ERN2: variants seen among roughly 807,000 people sequenced by gnomAD.
The protein encoded by ERN2 is endoplasmic reticulum to nucleus signaling 2.
ERN2 carries 111 observed loss-of-function variants against 107.9 expected under a neutral mutation model. That is an observed-to-expected ratio of 1.03 (90% CI 0.88 to 1.20). The LOEUF is 1.20. Ranked by LOEUF, ERN2 falls within the 50% of genes most tolerant of loss-of-function variation. The pLI is 0.00. For missense variants in ERN2, 1,225 were observed against 1,197.9 expected, an observed-to-expected ratio of 1.02 and a Z score of -0.33; for synonymous variants, 524 against 501.7, an observed-to-expected ratio of 1.04 and a Z score of -0.59.
At position 23,690,595 on chromosome 16, in the gene ERN2, C is replaced by T. The variant is rs1567241581; in HGVS notation, c.*236G>A. On this transcript the variant is annotated 3_prime_UTR_variant, in exon 22 of 22. Transcript: ENST00000256797. The stretch of plus-strand genomic sequence containing the variant: ...TCAGCCTCCCAAGCAGCTGGGACTA[C>T]AGGCGTGCGCCACCATGCCTGGCTA... The T allele has an allele frequency of 1.8e-6, 1 of 546,652 alleles. No individual in the cohort carries two copies. Among genetic ancestry groups the T allele is most frequent in the Non-Finnish European group, 3.3e-6 (1 of 303,718 alleles). The allele number at this position is 546,652 out of a possible 1,614,324, so 33.9% of individuals were successfully genotyped here.
In ERN2 at chr16:23,704,916, G is replaced by A; in HGVS notation, c.821C>T (p.Ala274Val). The change falls in exon 8 of 22, where the codon GCC becomes GTC. Residue 274 changes from alanine (A) to valine (V), a missense_variant. Coordinates refer to ENST00000256797, the MANE Select transcript of ERN2 (RefSeq NM_033266.4). ...RLPASGPRDTATLFSTLDTQL... is the reference protein window; with the variant it reads ...RLPASGPRDTVTLFSTLDTQL... Reference sequence around the variant, plus strand: ...GGTGTCCAAGGTAGAGAAGAGGGTGGCTGTGTCCCGGGGGCCTGAGGCAGG... The same window carrying A: ...GGTGTCCAAGGTAGAGAAGAGGGTGACTGTGTCCCGGGGGCCTGAGGCAGG... 6.8e-6 allele frequency: 11 copies of A among 1,612,708 alleles called. No homozygotes were observed. The highest frequency in any genetic ancestry group is 8.5e-6 in the Non-Finnish European group (10 of 1,180,030).
At chr16:23,696,641 C>T (rs1959841201) in intron 13 of ERN2, 1 of 152,258 alleles carries the variant, frequency 6.6e-6, no homozygotes, top group Admixed American at 6.5e-5. Flanking sequence ...GGGGTCGGCT[C>T]AGGTGGGCAA....
rs1462931194 is a variant in ERN2 at position 23,690,675 on chromosome 16, C to T, written c.*156G>A. On this transcript the variant is annotated 3_prime_UTR_variant, in exon 22 of 22. Transcript: ENST00000256797. ...GTTGCCATGTTGGCCAGGCTGGTCT[C>T]GAACTCCTGAGCTCAAGTGATCCTC... is the stretch of plus-strand genomic sequence containing the variant. The T allele has an allele frequency of 6.2e-6, 4 of 649,138 alleles. No homozygotes were observed. Among genetic ancestry groups the T allele is most frequent in the East Asian group, 2.7e-5 (1 of 36,568 alleles). The allele number at this position is 649,138 out of a possible 1,614,324, so 40.2% of individuals were successfully genotyped here.
In ERN2 at chr16:23,702,190, G is replaced by T. The variant is rs532196304; in HGVS notation, c.1165C>A (p.Pro389Thr). The T allele has an allele frequency of 6.2e-7, 1 of 1,614,150 alleles. No individual in the cohort carries two copies. The highest frequency in any genetic ancestry group is 1.1e-5 in the South Asian group (1 of 91,080). Residue 389 changes from proline (P) to threonine (T), a missense_variant, in exon 11 of 22, where the codon CCT becomes ACT. Transcript: ENST00000256797. Reference sequence around the variant, plus strand: ...GCTGGGGCCTGGGTATTCTCTGGAGGTCTTGTCTCTGCAGTTCCACTCCCC... The same window carrying T: ...GCTGGGGCCTGGGTATTCTCTGGAGTTCTTGTCTCTGCAGTTCCACTCCCC... ...TLGSGTAETR[P>T]PENTQAPAFF...
At chr16:23,694,220 C>T (rs2141005538) in intron 17 of ERN2, among the ~76,000 whole-genome samples, 1 of 152,298 alleles carries the variant, frequency 6.6e-6, no homozygotes, top group Admixed American at 6.5e-5. Flanking sequence ...TGGTCTCGAA[C>T]TCCTGAGCTC....
Position 23,710,241 on chromosome 16 carries a change from C to T in ERN2, c.237G>A (p.Met79Ile). The T allele has an allele frequency of 6.2e-7, 1 of 1,613,726 alleles. No individual in the cohort carries two copies. Among genetic ancestry groups the T allele is most frequent in the Non-Finnish European group, 8.5e-7 (1 of 1,179,612 alleles). ...CATCTGCTGGGTCAGAGAGAAAGGC[C>T]ATTCTGTGGAGCAGAGAGAAACAAG... ...VIEGPMYVTE[M>I]AFLSDPADGS... The change falls in exon 4 of 22, where the codon ATG (methionine) becomes ATA (isoleucine). Residue 79 changes from methionine (M) to isoleucine (I), a missense_variant. Met to Ile is a conservative substitution (Grantham distance 10, BLOSUM62 1). Coordinates refer to ENST00000256797, the MANE Select transcript of ERN2 (RefSeq NM_033266.4).
At chr16:23,698,401 A>G (rs902686270) in intron 13 of ERN2, among the ~76,000 whole-genome samples, 1 of 152,200 alleles carries the variant, frequency 6.6e-6, no homozygotes, top group Non-Finnish European at 1.5e-5. Context: ...CATTCAAAGG[A>G]TTCAGAACAC....
At chr16:23,700,414 T>C in intron 13 of ERN2, 125 bp downstream of exon 13, 1 of 902,938 alleles carries the variant, frequency 1.1e-6, no homozygotes, top group Non-Finnish European at 1.7e-6. Context: ...CTCAAAACAC[T>C]CTTCTTAATT....
rs1355232237 is a variant in ERN2, at chr16:23,702,156, A to G, written c.1199T>C (p.Leu400Ser). ...PENTQAPAFF[L>S]ELLSLSREKL... ...CTCTCCCCTCCCAGCACTGACCTCC[A>G]AGAAGAAGGCTGGGGCCTGGGTATT... is the stretch of plus-strand genomic sequence containing the variant. Residue 400 changes from leucine to serine, a missense_variant, in exon 11 of 22, where the codon TTG becomes TCG. Transcript: ENST00000256797. 1 of 1,613,048 alleles carries G rather than the reference A, an allele frequency of 6.2e-7. No individual in the cohort carries two copies. Among genetic ancestry groups the G allele is most frequent in the Non-Finnish European group, 8.5e-7 (1 of 1,179,716 alleles).
intron 8 of ERN2, among the ~76,000 whole-genome samples, chr16:23,703,640 T>C (rs1355342432): frequency 6.6e-6 from 1 of 152,200 alleles, no homozygotes; most frequent in Non-Finnish European, 1.5e-5. Context: ...TAGGAGAAAA[T>C]GTCCAAGCCC....
chr16:23,701,179 A>C (rs769223598), intron 11 of ERN2, 65 bp from the exon 12 acceptor site: 2 of 1,541,796 alleles, frequency 1.3e-6, no homozygotes, highest in Non-Finnish European at 1.8e-6. Flanking sequence ...ACTTTTCTTC[A>C]TCACCCAGCA....
intron 11 of ERN2, among the ~76,000 whole-genome samples, 179 bp downstream of exon 11, chr16:23,701,973 A>ACAG (rs1444662913): frequency 1.8e-5 from 1 of 54,218 alleles, no homozygotes; most frequent in Non-Finnish European, 9.7e-5. Flanking sequence ...TCTGGCAGTA[A>ACAG]CAACAACAAC....
chr16:23,700,872 G>C, intron 12 of ERN2, 87 bp downstream of exon 12: 1 of 1,511,510 alleles, frequency 6.6e-7, no homozygotes, highest in Non-Finnish European at 9.0e-7. Flanking sequence ...ATCAGAGCTG[G>C]GTAGAGGGAG....
rs762597674 is a variant in ERN2 at position 23,702,728 on chromosome 16, G to A, written c.855-26C>T. Reference sequence around the variant, plus strand: ...CTAGTGGGAGAGAAGAAAAAGAAGAGAAGAATGAATGCTGGTGATGGGTAG... The same window carrying A: ...CTAGTGGGAGAGAAGAAAAAGAAGAAAAGAATGAATGCTGGTGATGGGTAG... On this transcript the variant is annotated intron_variant, in intron 8 of 21. Coordinates refer to ENST00000256797, the MANE Select transcript of ERN2 (RefSeq NM_033266.4). 2.5e-6 allele frequency: 4 copies of A among 1,592,944 alleles called. No individual in the cohort carries two copies. In the African/African-American group the frequency reaches 4.0e-5, roughly 16 times the overall value.
intron 12 of ERN2, 119 bp downstream of exon 12, chr16:23,700,840 T>G (rs1047721401): frequency 6.8e-7 from 1 of 1,462,400 alleles, no homozygotes. Flanking sequence ...GGGGAGCTGC[T>G]GGGAGGGAGG....
At chr16:23,713,001 C>T (rs1372176410) in intron 1 of ERN2, 94 bp downstream of exon 1, 8 of 949,940 alleles carry the variant, frequency 8.4e-6, no homozygotes, top group Admixed American at 6.6e-5. Context: ...GAGGTGCCCC[C>T]GTGGCCCCGC....
rs1381715953 is a variant in ERN2 at position 23,702,496 on chromosome 16, T to C, written c.975A>G (p.Thr325=). ...LTLAPADGPT[T]DEVTLQVSGE... is the part of the protein sequence containing the mutation. The stretch of plus-strand genomic sequence containing the variant: ...CTGAGACTTGGAGTGTCACCTCATC[T>C]GTGGTGGGGCCATCTGCGGGGGCCA... Residue 325 remains threonine (T), a synonymous_variant, in exon 10 of 22, where the codon ACA becomes ACG. Coordinates refer to ENST00000256797, the MANE Select transcript of ERN2 (RefSeq NM_033266.4). 1 of 1,613,838 alleles carries C rather than the reference T, an allele frequency of 6.2e-7. No homozygotes were observed. Among genetic ancestry groups the C allele is most frequent in the Non-Finnish European group, 8.5e-7 (1 of 1,180,002 alleles).
intron 13 of ERN2, among the ~76,000 whole-genome samples, chr16:23,698,457 C>T (rs1959915588): frequency 6.6e-6 from 1 of 152,218 alleles, no homozygotes; most frequent in Non-Finnish European, 1.5e-5. Flanking sequence ...GAAATGTTAT[C>T]CCTGGTTCAG....
At chr16:23,692,897 G>C (rs1481859737) in intron 17 of ERN2, among the ~76,000 whole-genome samples, 1 of 151,860 alleles carries the variant, frequency 6.6e-6, no homozygotes, top group Non-Finnish European at 1.5e-5. Context: ...TTTTTAAATT[G>C]TTTGTAGAGA....
Sources: allele counts gnomAD v4.1 joint callset (sites outside exome capture counted in the v4.1 genomes callset), GRCh38; gene constraint gnomAD v4.1.1; transcripts MANE v1.5; gene names NCBI Gene and HGNC (gene_info 2026-07-23, HGNC 2026-07-21).